SOCS2: variants seen among roughly 807,000 people sequenced by gnomAD.
The protein encoded by SOCS2 is CIS-2.
In SOCS2, 10 loss-of-function variants were observed where a neutral mutation model predicts 18.6. The observed-to-expected ratio is 0.54, with a 90% confidence interval of 0.33 to 0.91. The LOEUF (loss-of-function observed/expected upper bound fraction) is 0.91. SOCS2 is among the 40% of genes least tolerant of loss of function. The pLI, the probability that SOCS2 is intolerant of heterozygous loss-of-function variation, is 0.02. For synonymous variants in SOCS2, 104 were observed against 104.0 expected, an observed-to-expected ratio of 1.00 and a Z score of 0.00; for missense variants, 231 against 247.2, an observed-to-expected ratio of 0.93 and a Z score of 0.44.
downstream of SOCS2, among the ~76,000 whole-genome samples, chr12:93,578,680 T>TCG (rs1555207761): frequency 6.8e-5 from 8 of 117,062 alleles, no homozygotes; most frequent in African/African-American, 2.3e-4. Context: ...ATTTGCATGC[T>TCG]CGCACACACA....
At chr12:93,587,782 C>T (rs187319071), downstream of SOCS2, among the ~76,000 whole-genome samples, 1 of 152,248 alleles carries the variant, frequency 6.6e-6, no homozygotes, top group East Asian at 1.9e-4. Context: ...AGTTTGTTCC[C>T]ATAAGTTCTA....
chr12:93,602,113 T>G, the SOCS2 span, among the ~76,000 whole-genome samples: 1 of 152,026 alleles, frequency 6.6e-6, no homozygotes, highest in Non-Finnish European at 1.5e-5. Context: ...TTTTTTTAAA[T>G]ACAAGGGCTT....
the SOCS2 span, among the ~76,000 whole-genome samples, chr12:93,600,776 A>G: frequency 6.7e-6 from 1 of 149,492 alleles, no homozygotes; most frequent in South Asian, 2.1e-4. Context: ...AAAACATTTT[A>G]TTATTTATTA....
At chr12:93,609,121 G>A in the SOCS2 span, among the ~76,000 whole-genome samples, 1 of 151,712 alleles carries the variant, frequency 6.6e-6, no homozygotes, top group Admixed American at 6.6e-5. Context: ...GCCAGGTACG[G>A]TGGCTCATGC....
the SOCS2 span, among the ~76,000 whole-genome samples, chr12:93,609,791 T>A: frequency 6.6e-6 from 1 of 152,220 alleles, no homozygotes; most frequent in Non-Finnish European, 1.5e-5. Context: ...TTGTTTTGTG[T>A]TGCTACAACA....
the SOCS2 span, among the ~76,000 whole-genome samples, chr12:93,603,943 C>T: frequency 2.6e-5 from 4 of 152,046 alleles, no homozygotes; most frequent in East Asian, 1.9e-4. Context: ...GGAAGATTTC[C>T]GACTTAAATC....
upstream of SOCS2, chr12:93,572,635 C>T: frequency 1.5e-6 from 1 of 679,888 alleles, no homozygotes; most frequent in Non-Finnish European, 2.7e-6. This position sits in a 1 kb window ranked among gnomAD's most constrained non-coding sequence, Gnocchi z 5.0. Context: ...CCCACCCCAG[C>T]CGCAGGGGTC....
chr12:93,614,412 TCTTTCTTC>T, the SOCS2 span, among the ~76,000 whole-genome samples: 42 of 118,990 alleles, frequency 3.5e-4, no homozygotes, highest in Middle Eastern at 8.5e-3. Flanking sequence ...TTTCTTTCTT[TCTTTCTTC>T]CTTTCTTTCC....
chr12:93,571,670 T>C (rs541736417), upstream of SOCS2: 83 of 251,224 alleles, frequency 3.3e-4, no homozygotes, highest in African/African-American at 1.9e-3. Flanking sequence ...GTCGAGGCAA[T>C]GATCCTCGAG....
At chr12:93,607,586 G>A in the SOCS2 span, among the ~76,000 whole-genome samples, 2 of 152,190 alleles carry the variant, frequency 1.3e-5, no homozygotes, top group Non-Finnish European at 2.9e-5. Context: ...AATAGGGTGA[G>A]GCAAATGAGG....
At chr12:93,619,814 C>G in the SOCS2 span, among the ~76,000 whole-genome samples, 1 of 152,170 alleles carries the variant, frequency 6.6e-6, no homozygotes, top group African/African-American at 2.4e-5. Context: ...GCCTGGAATG[C>G]TCTATAGCCT....
At chr12:93,596,250 A>G in the SOCS2 span, among the ~76,000 whole-genome samples, 287 of 152,288 alleles carry the variant, frequency 1.9e-3, 1 homozygote, top group Non-Finnish European at 3.4e-3. Context: ...TCCCCATAAC[A>G]CCATGCTTGG....
chr12:93,578,857 G>T (rs1954500706), downstream of SOCS2, among the ~76,000 whole-genome samples: 1 of 152,134 alleles, frequency 6.6e-6, no homozygotes, highest in Non-Finnish European at 1.5e-5. Flanking sequence ...AAGTCCTACA[G>T]TTCTCTTAAC....
chr12:93,595,500 A>C, the SOCS2 span, among the ~76,000 whole-genome samples: 1 of 152,166 alleles, frequency 6.6e-6, no homozygotes, highest in Non-Finnish European at 1.5e-5. Context: ...CATTTCTTGC[A>C]TGTGTTTGTG....
chr12:93,625,904 A>G, the SOCS2 span, among the ~76,000 whole-genome samples: 1 of 152,090 alleles, frequency 6.6e-6, no homozygotes, highest in African/African-American at 2.4e-5. Context: ...TCCCTCAATA[A>G]TGAGACTAAC....
At chr12:93,619,732 T>G in the SOCS2 span, among the ~76,000 whole-genome samples, 6 of 152,196 alleles carry the variant, frequency 3.9e-5, no homozygotes, top group Admixed American at 2.0e-4. Flanking sequence ...GTTTTTCCCT[T>G]GCATTACACT....
chr12:93,598,754 A>G, the SOCS2 span, among the ~76,000 whole-genome samples: 1 of 152,216 alleles, frequency 6.6e-6, no homozygotes, highest in South Asian at 2.1e-4. Flanking sequence ...ATGTTAAAGA[A>G]ATTCTAGCTT....
the SOCS2 span, among the ~76,000 whole-genome samples, chr12:93,601,394 C>T: frequency 2.0e-5 from 3 of 152,218 alleles, 1 homozygote; most frequent in Admixed American, 6.5e-5. Flanking sequence ...CCATCCTTAG[C>T]CTCCCAAGTA....
At chr12:93,599,804 T>C in the SOCS2 span, among the ~76,000 whole-genome samples, 1 of 152,346 alleles carries the variant, frequency 6.6e-6, no homozygotes, top group South Asian at 2.1e-4. Context: ...TTTTGCCTTC[T>C]ACTGTAAGAT....
Sources: allele counts gnomAD v4.1 joint callset (sites outside exome capture counted in the v4.1 genomes callset), GRCh38; gene constraint gnomAD v4.1.1; non-coding constraint Gnocchi (gnomAD v3.1); transcripts MANE v1.5; gene names NCBI Gene and HGNC (gene_info 2026-07-23, HGNC 2026-07-21).